PTPN14: variants seen among roughly 807,000 people sequenced by gnomAD.
The protein encoded by PTPN14 is tyrosine-protein phosphatase non-receptor type 14.
In PTPN14, 53 loss-of-function variants were observed where a neutral mutation model predicts 126.8. That is an observed-to-expected ratio of 0.42 (90% CI 0.34 to 0.53). The LOEUF (loss-of-function observed/expected upper bound fraction) is 0.53, where lower values mean the gene tolerates loss of function less well. PTPN14 is among the 20% of genes least tolerant of loss of function. The pLI is 0.08. For missense variants in PTPN14, 1,257 were observed against 1,552.9 expected (o/e 0.81, Z 3.20); for synonymous variants, 630 against 599.3 (o/e 1.05, Z -0.75).
intron 1 of PTPN14, among the ~76,000 whole-genome samples, chr1:214,467,927 T>C (rs1355162711): frequency 1.3e-5 from 2 of 152,006 alleles, no homozygotes; most frequent in African/African-American, 4.8e-5. Flanking sequence ...GTCAATGTCA[T>C]GAAACAAAAA....
intron 5 of PTPN14, among the ~76,000 whole-genome samples, chr1:214,405,115 T>C (rs1177248817): frequency 6.6e-6 from 1 of 152,156 alleles, no homozygotes; most frequent in Non-Finnish European, 1.5e-5. Context: ...TACATGCCCA[T>C]CCCCTCTGGG....
intron 13 of PTPN14, among the ~76,000 whole-genome samples, chr1:214,379,175 T>C (rs1328399690): frequency 6.6e-6 from 1 of 152,190 alleles, no homozygotes; most frequent in Admixed American, 6.5e-5. Flanking sequence ...GGGTTTAGGA[T>C]TTTGATTCAC....
At chr1:214,422,214 T>C (rs1476731865) in intron 3 of PTPN14, among the ~76,000 whole-genome samples, 1 of 152,226 alleles carries the variant, frequency 6.6e-6, no homozygotes, top group Non-Finnish European at 1.5e-5. Context: ...CTTGTCTTTA[T>C]GCAAAGAGCA....
chr1:214,395,972 T>C lies in PTPN14; in HGVS notation c.759-986A>G, dbSNP rs763171928. ...CTGCAGTCCCCTACCGGTCACCACATTGCATTATAATTTTTACTTCTGTGA... is the reference window on the plus strand; with the variant it reads ...CTGCAGTCCCCTACCGGTCACCACACTGCATTATAATTTTTACTTCTGTGA... On this transcript the variant is annotated intron_variant, in intron 8 of 18. Coordinates refer to ENST00000366956, the MANE Select transcript of PTPN14 (RefSeq NM_005401.5). Among the ~76,000 whole-genome samples the C allele has an allele frequency of 2.8e-4, 43 of 152,024 alleles. 1 individual carries two copies. Among genetic ancestry groups the C allele is most frequent in the Non-Finnish European group, 8.8e-5 (6 of 68,014 alleles).
chr1:214,441,148 TTC>T (rs745602837), intron 3 of PTPN14, among the ~76,000 whole-genome samples: 3 of 152,210 alleles, frequency 2.0e-5, no homozygotes, highest in Non-Finnish European at 4.4e-5. Context: ...GAGAAAAAAC[TTC>T]TGTTATTTAA....
chr1:214,396,549 C>T lies in PTPN14; in HGVS notation c.758+1364G>A, dbSNP rs139333434. Among the ~76,000 whole-genome samples the T allele has an allele frequency of 3.9e-3, 588 of 152,288 alleles. 3 individuals are homozygous for T. The highest frequency in any genetic ancestry group is 0.01 in the Middle Eastern group (3 of 294). On this transcript the variant is annotated intron_variant, in intron 8 of 18. Transcript: ENST00000366956. ...CAACTGCTGAAATCCTAGATATACT[C>T]GGAGCCCCGCCACATGACTTCATCT...
At chr1:214,476,346 T>TA (rs56174541) in intron 1 of PTPN14, among the ~76,000 whole-genome samples, 41,966 of 152,150 alleles carry the variant, frequency 0.28, 6,831 homozygotes, top group Non-Finnish European at 0.36. Context: ...TCACTGAGGA[T>TA]AAACATACCT....
intron 2 of PTPN14, among the ~76,000 whole-genome samples, chr1:214,453,924 A>G (rs6657103): frequency 0.057 from 8,728 of 152,296 alleles, 299 homozygotes; most frequent in South Asian, 0.15. Context: ...CTCTGATGCT[A>G]TCCTCTGAGA....
At position 214,383,305 on chromosome 1, in the gene PTPN14, A is replaced by G; in HGVS notation, c.2544+6T>C. 1 of 1,606,456 alleles carries G rather than the reference A, an allele frequency of 6.2e-7. No individual in the cohort carries two copies. The highest frequency in any genetic ancestry group is 1.1e-5 in the South Asian group (1 of 90,716). On this transcript the variant is annotated splice_donor_region_variant and intron_variant, in intron 13 of 18. Coordinates refer to ENST00000366956, the MANE Select transcript of PTPN14 (RefSeq NM_005401.5). The surrounding 1 kb of genome is among the most constrained non-coding windows in gnomAD (Gnocchi z 4.4). Reference sequence around the variant, plus strand: ...GGAAAATGCCCTGGGAGAGGAGGACACTCACCCTGATCATCATCTCTCTCT... The same window carrying G: ...GGAAAATGCCCTGGGAGAGGAGGACGCTCACCCTGATCATCATCTCTCTCT...
intron 3 of PTPN14, among the ~76,000 whole-genome samples, chr1:214,417,574 A>T (rs1031743185): frequency 6.6e-6 from 1 of 152,210 alleles, no homozygotes; most frequent in African/African-American, 2.4e-5. Flanking sequence ...ATTATAGCCC[A>T]TAACAATATC....
chr1:214,515,153 G>A (rs1177332785), intron 1 of PTPN14, among the ~76,000 whole-genome samples: 1 of 152,122 alleles, frequency 6.6e-6, no homozygotes, highest in Non-Finnish European at 1.5e-5. Flanking sequence ...AATCAGGAGA[G>A]AAATCCCTCC....
chr1:214,465,951 C>CTTTTTTTTTTTTTTCTTTTTTTTTTTTT (rs1660626247), intron 1 of PTPN14, among the ~76,000 whole-genome samples: 1 of 59,024 alleles, frequency 1.7e-5, no homozygotes, highest in African/African-American at 6.9e-5. Context: ...CAGTTACTTC[C>CTTTTTTTTTTTTTTCTTTTTTTTTTTTT]TTTTTTTTTT....
At chr1:214,466,271 CT>C (rs113382577) in intron 1 of PTPN14, among the ~76,000 whole-genome samples, 28,935 of 146,654 alleles carry the variant, frequency 0.2, 4,423 homozygotes, top group African/African-American at 0.44. Flanking sequence ...CAGTTACTTC[CT>C]TTTTTTTTTT....
At chr1:214,439,943 C>T (rs1296468070) in intron 3 of PTPN14, among the ~76,000 whole-genome samples, 2 of 152,182 alleles carry the variant, frequency 1.3e-5, no homozygotes, top group African/African-American at 4.8e-5. Flanking sequence ...TCCCTCTACC[C>T]TTTGTTTCTT....
At chr1:214,362,718 A>G (rs3002297) in intron 18 of PTPN14, among the ~76,000 whole-genome samples, 116,924 of 152,254 alleles carry the variant, frequency 0.77, 45,140 homozygotes, top group African/African-American at 0.83. Flanking sequence ...GAATGGGGAA[A>G]GAAGTGGAGT....
intron 3 of PTPN14, among the ~76,000 whole-genome samples, chr1:214,416,487 T>C (rs912853702): frequency 6.6e-6 from 1 of 152,216 alleles, no homozygotes; most frequent in African/African-American, 2.4e-5. Context: ...ACCATTTGTA[T>C]AATGTGTCAG....
intron 3 of PTPN14, among the ~76,000 whole-genome samples, chr1:214,421,497 A>C (rs185550915): frequency 5.8e-4 from 88 of 152,298 alleles, no homozygotes; most frequent in Admixed American, 1.0e-3. Context: ...GTATACTTTA[A>C]AGTGGTTAAA....
At chr1:214,436,103 T>C (rs530772786) in intron 3 of PTPN14, among the ~76,000 whole-genome samples, 1 of 152,294 alleles carries the variant, frequency 6.6e-6, no homozygotes, top group African/African-American at 2.4e-5. Context: ...GCAACATGGA[T>C]GCAGGTGGAG....
At chr1:214,420,761 C>G (rs1659525421) in intron 3 of PTPN14, among the ~76,000 whole-genome samples, 1 of 152,186 alleles carries the variant, frequency 6.6e-6, no homozygotes, top group Non-Finnish European at 1.5e-5. Flanking sequence ...TCTTTCTGTC[C>G]TATCCTATGC....
Sources: allele counts gnomAD v4.1 joint callset (sites outside exome capture counted in the v4.1 genomes callset), GRCh38; gene constraint gnomAD v4.1.1; non-coding constraint Gnocchi (gnomAD v3.1); transcripts MANE v1.5; gene names NCBI Gene and HGNC (gene_info 2026-07-23, HGNC 2026-07-21).